The following SPTAN1 variants were observed in gnomAD, a reference collection of about 807,000 sequenced individuals.
SPTAN1 encodes the protein spectrin alpha chain, non-erythrocytic 1.
SPTAN1 carries 61 observed loss-of-function variants against 331.3 expected under a neutral mutation model. The ratio of observed to expected loss-of-function variants is 0.18; its 90% CI spans 0.15 to 0.23. SPTAN1 has a LOEUF of 0.23. SPTAN1 is among the 10% of genes least tolerant of loss of function. The pLI, the probability that SPTAN1 is intolerant of heterozygous loss-of-function variation, is 1.00. For missense variants in SPTAN1, 2,043 were observed against 3,147.9 expected (o/e 0.65, Z 8.40); for synonymous variants, 1,153 against 1,173.9 (o/e 0.98, Z 0.36).
chr9:128,570,065 C>A (rs1290111263), intron 3 of SPTAN1, among the ~76,000 whole-genome samples: 1 of 152,030 alleles, frequency 6.6e-6, no homozygotes, highest in Non-Finnish European at 1.5e-5. Flanking sequence ...CCCATCTTCA[C>A]ACTATTTTAT....
Position 128,625,313 on chromosome 9 carries a change from C to G in SPTAN1, c.6069+134C>G. Reference sequence around the variant, plus strand: ...GCAGGAAAAAGATCCTGTCCTGGTCCTCAGGGAGCTTCCAGACTAACTGGG... The same window carrying G: ...GCAGGAAAAAGATCCTGTCCTGGTCGTCAGGGAGCTTCCAGACTAACTGGG... On this transcript the variant is annotated intron_variant, in intron 47 of 56. Coordinates refer to ENST00000372739, the MANE Select transcript of SPTAN1 (RefSeq NM_001130438.3). This position sits in a 1 kb window ranked among gnomAD's most constrained non-coding sequence, Gnocchi z 4.1. The G allele has an allele frequency of 3.3e-6, 3 of 907,438 alleles. No homozygotes were observed. The highest frequency in any genetic ancestry group is 5.3e-6 in the Non-Finnish European group (3 of 568,298). The allele number at this position is 907,438 out of a possible 1,614,324, so 56.2% of individuals were successfully genotyped here. A position where few individuals can be genotyped will look rare whatever the true frequency, so the allele number is the denominator to read the frequency against.
chr9:128,575,387 G>A (rs750455967), intron 5 of SPTAN1, 42 bp downstream of exon 5: 2 of 1,600,168 alleles, frequency 1.2e-6, no homozygotes, highest in Non-Finnish European at 1.7e-6. Context: ...ACATTATTAT[G>A]TTAACTTTTT....
At chr9:128,556,601 AT>A (rs1848665991) in intron 1 of SPTAN1, among the ~76,000 whole-genome samples, 4 of 152,202 alleles carry the variant, frequency 2.6e-5, no homozygotes, top group Non-Finnish European at 5.9e-5. Flanking sequence ...GCATTTCTGG[AT>A]TTTGATGCAA....
rs1435528285 is a variant in SPTAN1, at chr9:128,627,811, G to C, written c.6690-114G>C. On this transcript the variant is annotated intron_variant, in intron 50 of 56. Transcript: ENST00000372739. The surrounding 1 kb of genome is among the most constrained non-coding windows in gnomAD (Gnocchi z 4.9). ...ATGCAGGGTCTGTGCGTTGGGTACT[G>C]ATGTTCTTGCTTTTGTTTTCCTTTC... 7.5e-7 allele frequency: 1 copy of C among 1,341,342 alleles called. No homozygotes were observed. The highest frequency in any genetic ancestry group is 1.4e-5 in the African/African-American group (1 of 69,642). 83.1% of individuals were successfully genotyped at this position (1,341,342 alleles called of 1,614,324 possible). A position where few individuals can be genotyped will look rare whatever the true frequency, so the allele number is the denominator to read the frequency against.
rs139541887 is a variant in SPTAN1, at chr9:128,599,788, T to G, written c.3544-292T>G. ...TATTACCCCTTTGCAGACAATCTTA[T>G]GAGTACAACATAAAAGTTGGTGGTT... is the stretch of plus-strand genomic sequence containing the variant. On this transcript the variant is annotated intron_variant, in intron 26 of 56. Transcript: ENST00000372739. The G allele has an allele frequency of 4.5e-5, 20 of 445,804 alleles. No individual in the cohort carries two copies. In the East Asian group the frequency reaches 7.5e-4, roughly 17 times the overall value. The allele number at this position is 445,804 out of a possible 1,614,324, so 27.6% of individuals were successfully genotyped here. A position where few individuals can be genotyped will look rare whatever the true frequency, so the allele number is the denominator to read the frequency against.
At chr9:128,594,918 C>T (rs115077872) in intron 24 of SPTAN1, among the ~76,000 whole-genome samples, 4,610 of 149,100 alleles carry the variant, frequency 0.031, 239 homozygotes, top group African/African-American at 0.11. Context: ...AACTCCTCCT[C>T]CCAGGTTCAA....
chr9:128,555,469 G>C (rs571634565), intron 1 of SPTAN1: 133 of 1,202,258 alleles, frequency 1.1e-4, no homozygotes, highest in Non-Finnish European at 1.4e-4. Flanking sequence ...AGGCATATTC[G>C]TGTCAAAGAG....
chr9:128,605,923 C>T (rs1207974302), intron 31 of SPTAN1, among the ~76,000 whole-genome samples: 5 of 149,516 alleles, frequency 3.3e-5, no homozygotes, highest in South Asian at 2.1e-4. Context: ...ACCTGGGAGG[C>T]GGAGGTTGCA....
chr9:128,587,493 C>T (rs886856230), intron 19 of SPTAN1, 113 bp from the exon 20 acceptor site: 2 of 818,148 alleles, frequency 2.4e-6, no homozygotes, highest in Non-Finnish European at 2.1e-6. Context: ...GAGGTGATTA[C>T]GTCATTGTGC....
At chr9:128,605,504 C>G in intron 31 of SPTAN1, 27 bp downstream of exon 31, 1 of 1,613,838 alleles carries the variant, frequency 6.2e-7, no homozygotes. Flanking sequence ...ACTCAGACTT[C>G]TGGAACATAG....
intron 34 of SPTAN1, 71 bp from the exon 35 acceptor site, chr9:128,608,803 C>T: frequency 2.1e-6 from 3 of 1,453,290 alleles, no homozygotes; most frequent in South Asian, 2.3e-5. Flanking sequence ...CTATCCTTTT[C>T]TCAAGACTGG....
intron 1 of SPTAN1, among the ~76,000 whole-genome samples, chr9:128,559,677 T>C (rs1004346254): frequency 4.6e-5 from 7 of 152,158 alleles, no homozygotes; most frequent in Admixed American, 1.3e-4. Flanking sequence ...AAAGGAAATA[T>C]ATAAATAAAT....
intron 56 of SPTAN1, 105 bp downstream of exon 56, chr9:128,633,060 C>A: frequency 6.3e-7 from 1 of 1,592,108 alleles, no homozygotes; most frequent in Non-Finnish European, 8.6e-7. Flanking sequence ...GGGTATTCTC[C>A]CCATTTACAA....
chr9:128,631,930 G>C, intron 52 of SPTAN1, 197 bp from the exon 53 acceptor site: 2 of 617,374 alleles, frequency 3.2e-6, no homozygotes, highest in African/African-American at 1.8e-5. Flanking sequence ...CCCTCACATT[G>C]AAAGTCTCTC....
intron 27 of SPTAN1, among the ~76,000 whole-genome samples, chr9:128,601,910 A>G (rs992661916): frequency 6.6e-6 from 1 of 152,116 alleles, no homozygotes; most frequent in East Asian, 1.9e-4. Context: ...CTTTCCTTCT[A>G]TTCAACTTTC....
At chr9:128,576,771 TGGA>T in intron 5 of SPTAN1, 49 bp from the exon 6 acceptor site, 2 of 1,608,018 alleles carry the variant, frequency 1.2e-6, no homozygotes, top group South Asian at 2.2e-5. Context: ...GGTAACTAGT[TGGA>T]GGAGCCAGAA....
At chr9:128,560,998 AG>A (rs1413029059) in intron 1 of SPTAN1, among the ~76,000 whole-genome samples, 2 of 138,482 alleles carry the variant, frequency 1.4e-5, no homozygotes, top group Admixed American at 7.5e-5. Context: ...CCTGGGCAAC[AG>A]AGCAAGACCC....
chr9:128,624,277 G>GTA, intron 45 of SPTAN1, 51 bp from the exon 46 acceptor site: 1 of 1,611,592 alleles, frequency 6.2e-7, no homozygotes, highest in African/African-American at 1.3e-5. Flanking sequence ...GCATAGTCAG[G>GTA]TAACCACAGC....
Position 128,629,925 on chromosome 9 carries a change from C to T in SPTAN1, c.6708-396C>T. 2 of 361,196 alleles carry T rather than the reference C, an allele frequency of 5.5e-6. No homozygotes were observed. The highest frequency in any genetic ancestry group is 4.3e-5 in the South Asian group (2 of 46,568). The allele number at this position is 361,196 out of a possible 1,614,324, so 22.4% of individuals were successfully genotyped here. A position where few individuals can be genotyped will look rare whatever the true frequency, so the allele number is the denominator to read the frequency against. Reference sequence around the variant, plus strand: ...GGAGGCTGTCAGGTTCTCAGCCTCCCCTCTGCCCTGAGGTCTCCTGTCTGT... The same window carrying T: ...GGAGGCTGTCAGGTTCTCAGCCTCCTCTCTGCCCTGAGGTCTCCTGTCTGT... On this transcript the variant is annotated intron_variant, in intron 51 of 56. Transcript: ENST00000372739. The surrounding 1 kb of genome is among the most constrained non-coding windows in gnomAD (Gnocchi z 4.9).
Sources: allele counts gnomAD v4.1 joint callset (sites outside exome capture counted in the v4.1 genomes callset), GRCh38; gene constraint gnomAD v4.1.1; non-coding constraint Gnocchi (gnomAD v3.1); transcripts MANE v1.5; gene names NCBI Gene and HGNC (gene_info 2026-07-23, HGNC 2026-07-21).